The following TIPRL variants were observed in gnomAD, a reference collection of about 807,000 sequenced individuals.
TIPRL encodes the protein TOR signaling pathway regulator, also known as TIP41-like protein.
Under a neutral mutation model 32.3 loss-of-function variants are expected in TIPRL, and 10 were observed. That is an observed-to-expected ratio of 0.31 (90% CI 0.19 to 0.52). The LOEUF is 0.52. TIPRL is among the 20% of genes least tolerant of loss of function. The pLI is 0.96. For missense variants in TIPRL, 250 were observed against 328.1 expected (o/e 0.76, Z 1.84); for synonymous variants, 100 against 114.0 (o/e 0.88, Z 0.78).
intron 1 of TIPRL, among the ~76,000 whole-genome samples, chr1:168,181,772 T>A (rs1479585515): frequency 1.3e-5 from 2 of 151,628 alleles, no homozygotes; most frequent in African/African-American, 4.8e-5. Context: ...AAAACAAATT[T>A]GCCTGAGGCC....
At chr1:168,198,047 A>G (rs916901162) in intron 5 of TIPRL, among the ~76,000 whole-genome samples, 1 of 152,152 alleles carries the variant, frequency 6.6e-6, no homozygotes, top group African/African-American at 2.4e-5. Flanking sequence ...GTTTATATCC[A>G]TATGGTATAA....
rs571445421 is a variant in TIPRL, at chr1:168,194,629, CAAGT to C, written c.517-1917_517-1914del. Among the ~76,000 whole-genome samples the C allele has an allele frequency of 5.7e-3, 873 of 152,290 alleles. 4 individuals are homozygous for C. The highest frequency in any genetic ancestry group is 0.019 in the African/African-American group (791 of 41,558). On this transcript the variant is annotated intron_variant, in intron 4 of 6. Coordinates refer to ENST00000367833, the MANE Select transcript of TIPRL (RefSeq NM_152902.5). ...TGTGCTTCTCAATTTGTTGTGACAT[CAAGT>C]TGTCATAAGTCAGGTTATTTCTACA...
chr1:168,184,538 A>G (rs1700004618), intron 2 of TIPRL, among the ~76,000 whole-genome samples: 1 of 152,234 alleles, frequency 6.6e-6, no homozygotes, highest in Non-Finnish European at 1.5e-5. Context: ...AAATAAGTAT[A>G]AACCTTTAAA....
chr1:168,180,522 GA>G (rs1699947332), intron 1 of TIPRL, among the ~76,000 whole-genome samples: 1 of 152,152 alleles, frequency 6.6e-6, no homozygotes, highest in Admixed American at 6.5e-5. Flanking sequence ...GGAGCTTTGG[GA>G]ATGAATTAAG....
At chr1:168,192,076 G>T in intron 4 of TIPRL, 1 of 1,092,892 alleles carries the variant, frequency 9.2e-7, no homozygotes, top group Non-Finnish European at 1.2e-6. Context: ...TGAAGACTGT[G>T]GCTTAATTTT....
At chr1:168,184,410 G>A (rs963662707) in intron 2 of TIPRL, among the ~76,000 whole-genome samples, 4 of 152,234 alleles carry the variant, frequency 2.6e-5, no homozygotes, top group African/African-American at 9.6e-5. Context: ...CTTATGATAT[G>A]CTTAATAAAT....
intron 4 of TIPRL, among the ~76,000 whole-genome samples, chr1:168,192,043 A>G (rs1190605320): frequency 1.3e-5 from 2 of 152,000 alleles, no homozygotes; most frequent in Admixed American, 6.6e-5. Flanking sequence ...CTTGTAGTTT[A>G]TTTGTTTATT....
intron 2 of TIPRL, 28 bp downstream of exon 2, chr1:168,184,109 A>T: frequency 6.3e-7 from 1 of 1,579,680 alleles, no homozygotes; most frequent in Non-Finnish European, 8.6e-7. Context: ...TAGGTTAAAC[A>T]AAAAAGGTAA....
rs1310932085 is a variant in TIPRL, at chr1:168,200,282, C to T, written c.*236C>T. On this transcript the variant is annotated 3_prime_UTR_variant, in exon 7 of 7. Transcript: ENST00000367833. The stretch of plus-strand genomic sequence containing the variant: ...TTCTGGAGTTAAATTTGGATGATTT[C>T]TAAATTATCACAAAGTGGGACCTCA... 4.7e-6 allele frequency: 2 copies of T among 421,530 alleles called. No homozygotes were observed. The highest frequency in any genetic ancestry group is 8.9e-5 in the East Asian group (2 of 22,528). The allele number at this position is 421,530 out of a possible 1,614,324, so 26.1% of individuals were successfully genotyped here. A position where few individuals can be genotyped will look rare whatever the true frequency, so the allele number is the denominator to read the frequency against.
chr1:168,186,369 G>A (rs1467362278), intron 3 of TIPRL, among the ~76,000 whole-genome samples: 2 of 151,932 alleles, frequency 1.3e-5, no homozygotes, highest in South Asian at 4.2e-4. Context: ...GGTGGCGTGT[G>A]TCTGTAATCC....
At chr1:168,190,029 C>T (rs1188474618) in intron 3 of TIPRL, among the ~76,000 whole-genome samples, 1 of 152,132 alleles carries the variant, frequency 6.6e-6, no homozygotes, top group Non-Finnish European at 1.5e-5. Context: ...TTCCTCTGAA[C>T]TAAAATCAAA....
At chr1:168,181,756 A>G (rs532531662) in intron 1 of TIPRL, among the ~76,000 whole-genome samples, 75 of 151,874 alleles carry the variant, frequency 4.9e-4, no homozygotes, top group African/African-American at 1.7e-3. Flanking sequence ...CTTATGTATT[A>G]TTTTAAAAAC....
At chr1:168,180,958 C>A (rs1699955496) in intron 1 of TIPRL, among the ~76,000 whole-genome samples, 1 of 151,332 alleles carries the variant, frequency 6.6e-6, no homozygotes, top group Non-Finnish European at 1.5e-5. Context: ...GCCACTGCGC[C>A]CAGCCTTGTA....
chr1:168,199,934 A>G lies in TIPRL; in HGVS notation c.707A>G (p.Asn236Ser). 1 of 1,613,470 alleles carries G rather than the reference A, an allele frequency of 6.2e-7. No individual in the cohort carries two copies. Among genetic ancestry groups the G allele is most frequent in the Non-Finnish European group, 8.5e-7 (1 of 1,179,662 alleles). Residue 236 changes from asparagine (N) to serine (S), a missense_variant, in exon 7 of 7, where the codon AAT (asparagine) becomes AGT (serine). Asn to Ser is a conservative substitution (Grantham distance 46). Transcript: ENST00000367833. ...HVPPSLFTEP[N>S]EISQYLPIKE... ...CCACCTTCCCTCTTCACGGAACCTA[A>G]TGAAATATCCCAGTATTTACCAATA...
Position 168,200,907 on chromosome 1 carries a change from A to G in TIPRL, c.*861A>G, listed in dbSNP as rs888723475. 3.9e-5 allele frequency: 6 copies of G among 152,164 alleles called. No individual in the cohort carries two copies. The highest frequency in any genetic ancestry group is 1.4e-4 in the African/African-American group (6 of 41,450). The allele number at this position is 152,164 out of a possible 1,614,324, so 9.4% of individuals were successfully genotyped here. A position where few individuals can be genotyped will look rare whatever the true frequency, so the allele number is the denominator to read the frequency against. Reference sequence around the variant, plus strand: ...TTCGCAAATATTACATCAATCCTTAAAGCAACAAGATTAATTTTCTGCTTA... The same window carrying G: ...TTCGCAAATATTACATCAATCCTTAGAGCAACAAGATTAATTTTCTGCTTA... On this transcript the variant is annotated 3_prime_UTR_variant, in exon 7 of 7. Coordinates refer to ENST00000367833, the MANE Select transcript of TIPRL (RefSeq NM_152902.5).
At chr1:168,192,130 CA>C in intron 4 of TIPRL, 1 of 1,345,932 alleles carries the variant, frequency 7.4e-7, no homozygotes, top group South Asian at 1.8e-5. Flanking sequence ...CTGCAGACGG[CA>C]AGGTGGATGT....
chr1:168,192,243 G>A, intron 4 of TIPRL: 3 of 1,435,976 alleles, frequency 2.1e-6, no homozygotes, highest in Non-Finnish European at 2.8e-6. Flanking sequence ...AGCTACTCGG[G>A]AGGCTGAGGC....
chr1:168,183,891 G>C lies in TIPRL; in HGVS notation c.105-11G>C, dbSNP rs773015615. The C allele has an allele frequency of 4.4e-6, 7 of 1,604,312 alleles. No individual in the cohort carries two copies. The Admixed American group carries it at 1.2e-4, about 27-fold the overall frequency. The stretch of plus-strand genomic sequence containing the variant: ...ATAAAATTATCTCACCCGACTTTTG[G>C]TTACGTATAGATTAGCCGATGAATT... On this transcript the variant is annotated splice_polypyrimidine_tract_variant and intron_variant, in intron 1 of 6. Transcript: ENST00000367833.
intron 3 of TIPRL, among the ~76,000 whole-genome samples, chr1:168,191,065 GTTGA>G (rs1700090979): frequency 6.6e-6 from 1 of 152,140 alleles, no homozygotes; most frequent in Non-Finnish European, 1.5e-5. Context: ...CTGATGTTTA[GTTGA>G]TTAATTTTCT....
Sources: gnomAD v4.1 joint callset for allele counts (sites outside exome capture counted in the v4.1 genomes callset) on GRCh38, gnomAD v4.1.1 for gene constraint, MANE v1.5 for transcripts, NCBI Gene and HGNC (gene_info 2026-07-23, HGNC 2026-07-21) for gene names.